SORCS1: variants seen among roughly 807,000 people sequenced by gnomAD.
SORCS1 encodes the protein VPS10 domain-containing receptor SorCS1.
In SORCS1, 60 loss-of-function variants were observed where a neutral mutation model predicts 146.1. The ratio of observed to expected loss-of-function variants is 0.41; its 90% CI spans 0.33 to 0.51. The LOEUF (loss-of-function observed/expected upper bound fraction) is 0.51, where lower values mean the gene tolerates loss of function less well. Ranked by LOEUF, SORCS1 falls within the 20% of genes least tolerant of loss-of-function variation. The pLI, the probability that SORCS1 is intolerant of heterozygous loss-of-function variation, is 0.21. For synonymous variants in SORCS1, 637 were observed against 584.0 expected (o/e 1.09, Z -1.31); for missense variants, 1,352 against 1,487.6 (o/e 0.91, Z 1.50).
At chr10:107,120,577 G>A (rs894076467) in intron 1 of SORCS1, among the ~76,000 whole-genome samples, 1 of 152,116 alleles carries the variant, frequency 6.6e-6, no homozygotes, top group Non-Finnish European at 1.5e-5. Context: ...TTGAAATAAG[G>A]ACCAGGAAAT....
intron 3 of SORCS1, among the ~76,000 whole-genome samples, chr10:106,811,764 A>G (rs1313421716): frequency 1.3e-5 from 2 of 152,232 alleles, no homozygotes; most frequent in Non-Finnish European, 2.9e-5. Context: ...AGCAGTTGCT[A>G]TTAACTCCCA....
At chr10:106,877,701 G>A (rs896684008) in intron 2 of SORCS1, among the ~76,000 whole-genome samples, 2 of 152,036 alleles carry the variant, frequency 1.3e-5, no homozygotes, top group Admixed American at 6.6e-5. Context: ...CCAGTCCCTC[G>A]GGGAAGCCAC....
intron 1 of SORCS1, among the ~76,000 whole-genome samples, chr10:106,989,270 A>AG (rs199948538): frequency 2.4e-4 from 12 of 50,720 alleles, no homozygotes; most frequent in African/African-American, 5.3e-4. Context: ...GCTCCACCTC[A>AG]GAAAAAAAAA....
chr10:106,711,246 T>C (rs915431849), intron 6 of SORCS1, among the ~76,000 whole-genome samples: 2 of 152,210 alleles, frequency 1.3e-5, no homozygotes, highest in African/African-American at 4.8e-5. Context: ...GGAGTTATTT[T>C]ACTTGTTTTT....
intron 1 of SORCS1, among the ~76,000 whole-genome samples, chr10:106,994,787 A>C (rs1956923681): frequency 6.6e-6 from 1 of 152,216 alleles, no homozygotes; most frequent in South Asian, 2.1e-4. Flanking sequence ...GAGAAGGAGA[A>C]GATGAAGAGG....
chr10:107,124,072 G>C (rs1286511929), intron 1 of SORCS1, among the ~76,000 whole-genome samples: 1 of 150,588 alleles, frequency 6.6e-6, no homozygotes, highest in African/African-American at 2.4e-5. Context: ...GGGCGACAGA[G>C]CGAGACTTCG....
intron 2 of SORCS1, 106 bp downstream of exon 2, chr10:106,956,407 T>G: frequency 1.1e-6 from 1 of 936,642 alleles, no homozygotes; most frequent in Non-Finnish European, 1.7e-6. Context: ...AAGCAAGCAG[T>G]GCATATCACC....
At chr10:106,793,501 G>A (rs960884552) in intron 3 of SORCS1, among the ~76,000 whole-genome samples, 3 of 152,178 alleles carry the variant, frequency 2.0e-5, no homozygotes, top group Non-Finnish European at 4.4e-5. Flanking sequence ...CAGGGGAAGA[G>A]AAAGAGTATA....
intron 1 of SORCS1, among the ~76,000 whole-genome samples, chr10:107,065,510 C>CTACTCTCTT (rs1564992593): frequency 2.3e-5 from 2 of 86,360 alleles, no homozygotes; most frequent in Non-Finnish European, 4.6e-5. Context: ...CTCCTCTCCT[C>CTACTCTCTT]TCTTTCTTTC....
At chr10:106,715,593 T>A (rs1478967828) in intron 6 of SORCS1, among the ~76,000 whole-genome samples, 1 of 152,204 alleles carries the variant, frequency 6.6e-6, no homozygotes, top group Admixed American at 6.5e-5. Context: ...TTGATGACCT[T>A]AGTCTTGAAA....
At position 107,058,065 on chromosome 10, in the gene SORCS1, G is replaced by A. The variant is rs545451998; in HGVS notation, c.559-101485C>T. Among the ~76,000 whole-genome samples, 11 of 151,944 alleles carry A rather than the reference G, an allele frequency of 7.2e-5. No individual in the cohort carries two copies. In the East Asian group the frequency reaches 1.6e-3, roughly 21 times the overall value. ...TTTTTTTTTTATTTTTTATTGAGACGGAGTCTTGCTCTGTCGCCCAGGCTG... is the reference window on the plus strand; with the variant it reads ...TTTTTTTTTTATTTTTTATTGAGACAGAGTCTTGCTCTGTCGCCCAGGCTG... On this transcript the variant is annotated intron_variant, in intron 1 of 25. Transcript: ENST00000263054.
At chr10:106,806,805 G>A (rs1050794004) in intron 3 of SORCS1, among the ~76,000 whole-genome samples, 16 of 151,752 alleles carry the variant, frequency 1.1e-4, no homozygotes, top group East Asian at 1.9e-4. Context: ...GTGAGCCACC[G>A]CACCCGGAGG....
intron 1 of SORCS1, among the ~76,000 whole-genome samples, chr10:107,137,844 A>G (rs2134689242): frequency 6.6e-6 from 1 of 151,150 alleles, no homozygotes; most frequent in African/African-American, 2.4e-5. Flanking sequence ...CCTGGGCAAC[A>G]AGAGCGAAAC....
chr10:106,957,497 T>A (rs769691966), intron 1 of SORCS1, among the ~76,000 whole-genome samples: 3 of 152,088 alleles, frequency 2.0e-5, no homozygotes, highest in Admixed American at 2.0e-4. Context: ...AAATGTTAAT[T>A]CCTTCCCTTT....
chr10:107,094,698 T>C (rs1413661061), intron 1 of SORCS1, among the ~76,000 whole-genome samples: 5 of 152,208 alleles, frequency 3.3e-5, no homozygotes, highest in African/African-American at 9.6e-5. Flanking sequence ...CAGTAGTTGG[T>C]AATATCAGAG....
intron 1 of SORCS1, among the ~76,000 whole-genome samples, chr10:107,063,580 T>G (rs142452880): frequency 6.6e-6 from 1 of 152,312 alleles, no homozygotes; most frequent in South Asian, 2.1e-4. Context: ...TTTTGATAAT[T>G]TGAAAGGCAA....
intron 18 of SORCS1, among the ~76,000 whole-genome samples, chr10:106,640,124 G>T (rs1423792509): frequency 2.6e-5 from 4 of 152,160 alleles, no homozygotes; most frequent in Admixed American, 2.6e-4. Flanking sequence ...AGATGAAAAA[G>T]CAGGTCAAAT....
intron 1 of SORCS1, among the ~76,000 whole-genome samples, chr10:107,022,415 G>A (rs1304945022): frequency 1.3e-5 from 2 of 152,168 alleles, no homozygotes; most frequent in Non-Finnish European, 2.9e-5. Context: ...CAGAATTTCC[G>A]AATGTTAGCT....
chr10:107,050,020 G>A (rs955628382), intron 1 of SORCS1, among the ~76,000 whole-genome samples: 1 of 152,154 alleles, frequency 6.6e-6, no homozygotes, highest in Non-Finnish European at 1.5e-5. Context: ...TTCCACAAGT[G>A]TACATGCATA....
Sources: gnomAD v4.1 joint callset for allele counts (sites outside exome capture counted in the v4.1 genomes callset) on GRCh38, gnomAD v4.1.1 for gene constraint, MANE v1.5 for transcripts, NCBI Gene and HGNC (gene_info 2026-07-23, HGNC 2026-07-21) for gene names.